The following DNAJC1 variants were observed in gnomAD, a reference collection of about 807,000 sequenced individuals.
DNAJC1 encodes dnaJ homolog subfamily C member 1.
A neutral mutation model predicts 76.6 loss-of-function variants in DNAJC1; 58 were observed. That is an observed-to-expected ratio of 0.76 (90% CI 0.61 to 0.94). DNAJC1 has a LOEUF of 0.94. Ranked by LOEUF, DNAJC1 falls within the 40% of genes least tolerant of loss-of-function variation. The pLI, the probability that DNAJC1 is intolerant of heterozygous loss-of-function variation, is 0.00. For synonymous variants in DNAJC1, 258 were observed against 267.9 expected, an observed-to-expected ratio of 0.96 and a Z score of 0.36; for missense variants, 689 against 677.3, an observed-to-expected ratio of 1.02 and a Z score of -0.19.
At chr10:21,888,155 T>TA (rs148971692) in intron 7 of DNAJC1, among the ~76,000 whole-genome samples, 4,429 of 152,248 alleles carry the variant, frequency 0.029, 105 homozygotes, top group Middle Eastern at 0.068. Flanking sequence ...CACTGATTAT[T>TA]AGAGTAATGC....
At chr10:21,815,850 A>C (rs977242644) in intron 8 of DNAJC1, among the ~76,000 whole-genome samples, 2 of 151,346 alleles carry the variant, frequency 1.3e-5, no homozygotes, top group African/African-American at 4.9e-5. Context: ...GGTTCAAGCG[A>C]TTCTCCTGCC....
intron 1 of DNAJC1, among the ~76,000 whole-genome samples, chr10:21,965,126 T>C (rs1554901160): frequency 6.6e-6 from 1 of 152,176 alleles, no homozygotes; most frequent in Non-Finnish European, 1.5e-5. Flanking sequence ...ATATATCTTT[T>C]ATCTCTCACA....
chr10:21,948,925 G>A lies in DNAJC1; in HGVS notation c.223-19784C>T, dbSNP rs1005867430. On this transcript the variant is annotated intron_variant, in intron 1 of 11. Coordinates refer to ENST00000376980, the MANE Select transcript of DNAJC1 (RefSeq NM_022365.4). ...GAGAATTTCTAGGATAGAGATGCCA[G>A]TAAAACTCATTTAATTAATTCAGAA... 3.9e-5 allele frequency among the ~76,000 whole-genome samples: 6 copies of A among 152,174 alleles called. No homozygotes were observed. The East Asian group carries it at 1.2e-3, about 29-fold the overall frequency.
intron 9 of DNAJC1, among the ~76,000 whole-genome samples, chr10:21,781,133 C>G (rs1834522771): frequency 6.6e-6 from 1 of 152,174 alleles, no homozygotes; most frequent in Non-Finnish European, 1.5e-5. Context: ...TAGACTGACA[C>G]ACAATAGTAA....
intron 8 of DNAJC1, among the ~76,000 whole-genome samples, chr10:21,854,537 G>C (rs1278554188): frequency 4.6e-5 from 7 of 152,008 alleles, no homozygotes; most frequent in Admixed American, 3.3e-4. Context: ...TCCTAAGACA[G>C]AAGTGGTGCA....
At chr10:21,771,438 ACTT>A (rs1834376072) in intron 9 of DNAJC1, among the ~76,000 whole-genome samples, 1 of 151,632 alleles carries the variant, frequency 6.6e-6, no homozygotes, top group Admixed American at 6.6e-5. Context: ...TGGTTGAGAT[ACTT>A]CTTTTTTATT....
chr10:21,972,567 T>C (rs372111957), intron 1 of DNAJC1, among the ~76,000 whole-genome samples: 48 of 152,040 alleles, frequency 3.2e-4, no homozygotes, highest in African/African-American at 1.2e-3. Flanking sequence ...AATTTGGCCT[T>C]GAAGATAAAA....
intron 8 of DNAJC1, among the ~76,000 whole-genome samples, chr10:21,820,801 G>T (rs1835146969): frequency 6.6e-6 from 1 of 152,164 alleles, no homozygotes; most frequent in Admixed American, 6.5e-5. Context: ...AGGGAAATAT[G>T]TTTTACTGGT....
At chr10:21,882,212 G>T in intron 8 of DNAJC1, 70 bp downstream of exon 8, 1 of 1,403,210 alleles carries the variant, frequency 7.1e-7, no homozygotes, top group Non-Finnish European at 9.7e-7. Context: ...TATATCGTGA[G>T]CTAACCCTGT....
rs564932230 is a variant in DNAJC1 at position 21,780,227 on chromosome 10, T to G, written c.1099-13918A>C. Among the ~76,000 whole-genome samples the G allele has an allele frequency of 2.0e-5, 3 of 152,202 alleles. No homozygotes were observed. In the East Asian group the frequency reaches 5.8e-4, roughly 29 times the overall value. On this transcript the variant is annotated intron_variant, in intron 9 of 11. Coordinates refer to ENST00000376980, the MANE Select transcript of DNAJC1 (RefSeq NM_022365.4). The stretch of plus-strand genomic sequence containing the variant: ...CTAGCAAGGCAGGCCAACATTCAAA[T>G]TCAGGAAATACAGAGAACACCACAA...
At chr10:21,873,958 T>C (rs1391198038) in intron 8 of DNAJC1, among the ~76,000 whole-genome samples, 5 of 152,320 alleles carry the variant, frequency 3.3e-5, no homozygotes, top group Non-Finnish European at 4.4e-5. Flanking sequence ...AAGATGTTAA[T>C]TGTAATCCCT....
At chr10:21,791,476 C>A (rs1834686197) in intron 9 of DNAJC1, among the ~76,000 whole-genome samples, 1 of 152,162 alleles carries the variant, frequency 6.6e-6, no homozygotes. Flanking sequence ...TTCTCCAGGA[C>A]AGACCACATG....
At chr10:21,962,561 G>A (rs1177575943) in intron 1 of DNAJC1, among the ~76,000 whole-genome samples, 2 of 146,476 alleles carry the variant, frequency 1.4e-5, no homozygotes, top group Admixed American at 1.4e-4. Flanking sequence ...CTGACCTCCT[G>A]GGCTCAAATG....
At chr10:21,773,033 G>C (rs1442108795) in intron 9 of DNAJC1, among the ~76,000 whole-genome samples, 1 of 152,000 alleles carries the variant, frequency 6.6e-6, no homozygotes, top group Non-Finnish European at 1.5e-5. Context: ...GCACCAAAGG[G>C]GGAAATCCAA....
At chr10:21,925,043 A>T (rs760302818) in intron 3 of DNAJC1, among the ~76,000 whole-genome samples, 1 of 152,144 alleles carries the variant, frequency 6.6e-6, no homozygotes, top group Non-Finnish European at 1.5e-5. Context: ...CTCAGGCTGG[A>T]GTACAATGGC....
chr10:21,794,311 G>C (rs545315741), intron 9 of DNAJC1, among the ~76,000 whole-genome samples: 1 of 145,482 alleles, frequency 6.9e-6, no homozygotes, highest in South Asian at 2.2e-4. Context: ...AAAAGAAAAT[G>C]GTTCTTCTCT....
At chr10:21,958,228 G>A (rs572814504) in intron 1 of DNAJC1, among the ~76,000 whole-genome samples, 2 of 152,216 alleles carry the variant, frequency 1.3e-5, no homozygotes, top group South Asian at 4.1e-4. Flanking sequence ...ATTGAGAAAT[G>A]AAGGTTTTTT....
intron 7 of DNAJC1, among the ~76,000 whole-genome samples, chr10:21,888,353 A>C (rs570496184): frequency 1.3e-5 from 2 of 152,314 alleles, no homozygotes; most frequent in South Asian, 4.1e-4. Flanking sequence ...TAAAAGCAGA[A>C]CTACTATTTA....
intron 1 of DNAJC1, among the ~76,000 whole-genome samples, chr10:21,989,116 C>G (rs571172619): frequency 6.6e-6 from 1 of 152,306 alleles, no homozygotes; most frequent in Admixed American, 6.5e-5. Flanking sequence ...GGTAGACTGT[C>G]TCTTTCAATG....
Sources: allele counts gnomAD v4.1 joint callset (sites outside exome capture counted in the v4.1 genomes callset), GRCh38; gene constraint gnomAD v4.1.1; transcripts MANE v1.5; gene names NCBI Gene and HGNC (gene_info 2026-07-23, HGNC 2026-07-21).